The following SLC35F3 variants were observed in gnomAD, a reference collection of about 807,000 sequenced individuals.
SLC35F3 encodes putative thiamine transporter SLC35F3.
SLC35F3 carries 25 observed loss-of-function variants against 49.9 expected under a neutral mutation model. The ratio of observed to expected loss-of-function variants is 0.50; its 90% CI spans 0.37 to 0.70. The LOEUF (loss-of-function observed/expected upper bound fraction) is 0.70. Among genes scored for constraint, SLC35F3 ranks in the 30% least tolerant of loss-of-function variants. The probability of loss-of-function intolerance (pLI) is 0.00; values close to 1 mark genes in which losing one functional copy is unlikely to be tolerated. For synonymous variants in SLC35F3, 275 were observed against 265.4 expected, an observed-to-expected ratio of 1.04 and a Z score of -0.35; for missense variants, 525 against 639.8, an observed-to-expected ratio of 0.82 and a Z score of 1.94.
At chr1:234,297,878 T>C (rs1360968239) in intron 3 of SLC35F3, among the ~76,000 whole-genome samples, 2 of 152,196 alleles carry the variant, frequency 1.3e-5, no homozygotes, top group Non-Finnish European at 2.9e-5. Context: ...GAATAAGTCC[T>C]AGAGCTCTTC....
chr1:234,251,516 T>A (rs1297937938), intron 3 of SLC35F3, among the ~76,000 whole-genome samples: 1 of 144,098 alleles, frequency 6.9e-6, no homozygotes, highest in Admixed American at 6.8e-5. Context: ...TGGTAGTAAA[T>A]GTAATAAAAA....
chr1:234,118,340 A>G (rs529811485), intron 2 of SLC35F3, among the ~76,000 whole-genome samples: 46 of 152,274 alleles, frequency 3.0e-4, no homozygotes, highest in African/African-American at 1.1e-3. Context: ...AAGAGTTTGT[A>G]TCGTCGGATT....
At chr1:234,020,277 T>C (rs946595169) in intron 2 of SLC35F3, among the ~76,000 whole-genome samples, 1 of 152,246 alleles carries the variant, frequency 6.6e-6, no homozygotes, top group Non-Finnish European at 1.5e-5. Flanking sequence ...CTTTCAAATA[T>C]TTCATGTGCC....
At chr1:233,996,771 A>T (rs1663467887) in intron 2 of SLC35F3, among the ~76,000 whole-genome samples, 1 of 152,176 alleles carries the variant, frequency 6.6e-6, no homozygotes, top group Admixed American at 6.5e-5. Flanking sequence ...GCACTCTCTC[A>T]TTCGATACTC....
intron 2 of SLC35F3, among the ~76,000 whole-genome samples, chr1:234,101,879 G>C (rs930904133): frequency 6.6e-6 from 1 of 152,210 alleles, no homozygotes; most frequent in East Asian, 1.9e-4. Context: ...ATTTTATTTT[G>C]CTGTAGCAAT....
chr1:234,248,129 CGGTTGGCTGGTCCATTGTTCAGTGGGTT>C (rs1667672759), intron 3 of SLC35F3, among the ~76,000 whole-genome samples: 2 of 143,874 alleles, frequency 1.4e-5, no homozygotes, highest in Non-Finnish European at 3.0e-5. Flanking sequence ...TTCTGTGGGT[CGGTTGGCTGGTCCATTGTTCAGTGGGTT>C]GGTTGGCTGG....
chr1:234,044,450 A>G (rs1168317538), intron 2 of SLC35F3, among the ~76,000 whole-genome samples: 1 of 152,210 alleles, frequency 6.6e-6, no homozygotes, highest in Non-Finnish European at 1.5e-5. Flanking sequence ...ATTTTGTAAT[A>G]AATGGAGCTA....
intron 4 of SLC35F3, among the ~76,000 whole-genome samples, chr1:234,315,808 C>G (rs571366277): frequency 6.6e-6 from 1 of 152,240 alleles, no homozygotes; most frequent in African/African-American, 2.4e-5. Flanking sequence ...TACCTCAGAT[C>G]AGTCCTTGTA....
At chr1:234,035,985 A>G (rs1355817037) in intron 2 of SLC35F3, among the ~76,000 whole-genome samples, 1 of 152,226 alleles carries the variant, frequency 6.6e-6, no homozygotes, top group Non-Finnish European at 1.5e-5. Context: ...ACTTAGGAGC[A>G]GGGCACTATA....
chr1:234,260,985 C>T (rs1667895678), intron 3 of SLC35F3, among the ~76,000 whole-genome samples: 1 of 152,072 alleles, frequency 6.6e-6, no homozygotes, highest in Non-Finnish European at 1.5e-5. Context: ...TCACATGAAG[C>T]CAAACCTAGA....
At chr1:233,922,644 T>G (rs951765907) in intron 2 of SLC35F3, among the ~76,000 whole-genome samples, 3 of 152,196 alleles carry the variant, frequency 2.0e-5, no homozygotes, top group African/African-American at 7.2e-5. Context: ...AGCAACTCTT[T>G]AGTTTAATTA....
chr1:234,093,193 A>G (rs1260892455), intron 2 of SLC35F3, among the ~76,000 whole-genome samples: 3 of 152,214 alleles, frequency 2.0e-5, no homozygotes, highest in Non-Finnish European at 4.4e-5. Flanking sequence ...GCAGGACAAT[A>G]TTAATTACAC....
At chr1:233,914,298 C>T (rs1487949576) in intron 2 of SLC35F3, among the ~76,000 whole-genome samples, 1 of 152,164 alleles carries the variant, frequency 6.6e-6, no homozygotes, top group Non-Finnish European at 1.5e-5. Context: ...GATAGAGAGG[C>T]AGAGAAAGCT....
At chr1:234,061,910 T>C (rs1196649412) in intron 2 of SLC35F3, among the ~76,000 whole-genome samples, 1 of 152,192 alleles carries the variant, frequency 6.6e-6, no homozygotes, top group East Asian at 1.9e-4. Flanking sequence ...TTTTTGAAAA[T>C]ATTTATAACA....
At chr1:234,086,715 G>C (rs1319592224) in intron 2 of SLC35F3, among the ~76,000 whole-genome samples, 4 of 152,158 alleles carry the variant, frequency 2.6e-5, no homozygotes, top group Non-Finnish European at 5.9e-5. Flanking sequence ...CTAGAGAGTG[G>C]TTGGCTGTTG....
At chr1:233,982,717 C>A (rs1441241673) in intron 2 of SLC35F3, among the ~76,000 whole-genome samples, 2 of 152,098 alleles carry the variant, frequency 1.3e-5, no homozygotes, top group Non-Finnish European at 2.9e-5. Flanking sequence ...TGTTTGTTTA[C>A]TGACTATATG....
chr1:234,053,428 G>A (rs1032765580), intron 2 of SLC35F3, among the ~76,000 whole-genome samples: 1 of 152,142 alleles, frequency 6.6e-6, no homozygotes, highest in Admixed American at 6.6e-5. Context: ...TTGGTTTAAA[G>A]TCTGTTTTAT....
chr1:233,972,877 T>C (rs1663018142), intron 2 of SLC35F3, among the ~76,000 whole-genome samples: 1 of 152,218 alleles, frequency 6.6e-6, no homozygotes, highest in African/African-American at 2.4e-5. Flanking sequence ...TTTCACCATG[T>C]CACTAAGTAA....
intron 3 of SLC35F3, among the ~76,000 whole-genome samples, chr1:234,242,048 ATTCCACAT>A (rs1421135812): frequency 6.6e-6 from 1 of 152,246 alleles, no homozygotes; most frequent in Non-Finnish European, 1.5e-5. Flanking sequence ...GTGATATCAC[ATTCCACAT>A]AAGCTTTGCT....
Sources: gnomAD v4.1 joint callset for allele counts (sites outside exome capture counted in the v4.1 genomes callset) on GRCh38, gnomAD v4.1.1 for gene constraint, MANE v1.5 for transcripts, NCBI Gene and HGNC (gene_info 2026-07-23, HGNC 2026-07-21) for gene names.